Variants in XKR4 observed in about 807,000 individuals in gnomAD.
XKR4 encodes the protein XK related 4.
XKR4 carries 12 observed loss-of-function variants against 53.9 expected under a neutral mutation model. The ratio of observed to expected loss-of-function variants is 0.22; its 90% CI spans 0.14 to 0.36. XKR4 has a LOEUF of 0.36. Ranked by LOEUF, XKR4 falls within the 10% of genes least tolerant of loss-of-function variation. The pLI is 1.00. For synonymous variants in XKR4, 354 were observed against 362.4 expected (o/e 0.98, Z 0.26); for missense variants, 799 against 859.5 (o/e 0.93, Z 0.88).
chr8:55,164,709 A>G (rs568456789), intron 1 of XKR4: 40 of 284,274 alleles, frequency 1.4e-4, no homozygotes, highest in South Asian at 1.4e-3. Flanking sequence ...AATCAAACCC[A>G]TGTATAATAA....
At chr8:55,166,619 G>A (rs1817069005) in intron 1 of XKR4, among the ~76,000 whole-genome samples, 1 of 152,204 alleles carries the variant, frequency 6.6e-6, no homozygotes, top group South Asian at 2.1e-4. Flanking sequence ...AAATAAAGCA[G>A]AGAGTGGCAT....
intron 1 of XKR4, among the ~76,000 whole-genome samples, chr8:55,182,922 CCATGAA>C (rs1817329647): frequency 6.6e-6 from 1 of 151,952 alleles, no homozygotes; most frequent in Admixed American, 6.6e-5. Context: ...GTCTCCCAAT[CCATGAA>C]CATGGTATCT....
At chr8:55,412,203 C>G (rs529115623) in intron 2 of XKR4, among the ~76,000 whole-genome samples, 249 of 152,130 alleles carry the variant, frequency 1.6e-3, no homozygotes, top group Non-Finnish European at 2.6e-3. Context: ...CGTTTGTGGA[C>G]TGAGCCCAAA....
chr8:55,503,756 AG>A (rs1399473700), intron 2 of XKR4, among the ~76,000 whole-genome samples: 1 of 152,192 alleles, frequency 6.6e-6, no homozygotes, highest in East Asian at 1.9e-4. Context: ...AAGTTGCAAA[AG>A]TGGGCATCCT....
chr8:55,301,257 G>A (rs1819190766), intron 1 of XKR4, among the ~76,000 whole-genome samples: 1 of 149,002 alleles, frequency 6.7e-6, no homozygotes, highest in African/African-American at 2.5e-5. Context: ...TTGGTTTTTT[G>A]TCCTTGGGAT....
chr8:55,363,997 T>C (rs1803937858), intron 2 of XKR4, among the ~76,000 whole-genome samples: 1 of 152,256 alleles, frequency 6.6e-6, no homozygotes, highest in Non-Finnish European at 1.5e-5. Flanking sequence ...AACACCCATT[T>C]ATCTGGGTGC....
intron 2 of XKR4, among the ~76,000 whole-genome samples, chr8:55,466,687 A>G (rs971254837): frequency 4.6e-5 from 7 of 152,140 alleles, no homozygotes; most frequent in Non-Finnish European, 1.0e-4. Context: ...TACTATCCAT[A>G]TAATCAGTTG....
At chr8:55,136,265 G>T (rs2129353668) in intron 1 of XKR4, among the ~76,000 whole-genome samples, 1 of 152,258 alleles carries the variant, frequency 6.6e-6, no homozygotes, top group South Asian at 2.1e-4. Flanking sequence ...AAGACACATT[G>T]TTGGATGTGC....
intron 1 of XKR4, among the ~76,000 whole-genome samples, chr8:55,190,041 A>G (rs1817424636): frequency 1.3e-5 from 2 of 152,234 alleles, no homozygotes; most frequent in Non-Finnish European, 2.9e-5. Flanking sequence ...CCGGGAGTAT[A>G]TTGCTAGACT....
chr8:55,500,076 C>T (rs1031153872), intron 2 of XKR4, among the ~76,000 whole-genome samples: 62 of 151,640 alleles, frequency 4.1e-4, no homozygotes, highest in African/African-American at 1.3e-3. Flanking sequence ...GTTTTACTGC[C>T]TGAAAGGTGT....
At position 55,450,995 on chromosome 8, in the gene XKR4, C is replaced by T. The variant is rs1230771909; in HGVS notation, c.1007-72286C>T. ...CAGTAGGGCAGCCCAGGACACATGC[C>T]TTCAGCAGCTTTTTGAAGCTAGCCT... On this transcript the variant is annotated intron_variant, in intron 2 of 2. Transcript: ENST00000327381. 3 of 541,012 alleles carry T rather than the reference C, an allele frequency of 5.5e-6. No individual in the cohort carries two copies. The African/African-American group carries it at 5.7e-5, about 10-fold the overall frequency. The allele number at this position is 541,012 out of a possible 1,614,324, so 33.5% of individuals were successfully genotyped here.
At chr8:55,451,320 A>T in intron 2 of XKR4, 2 of 622,598 alleles carry the variant, frequency 3.2e-6, no homozygotes, top group Non-Finnish European at 5.8e-6. Flanking sequence ...CCATGGGGTT[A>T]GACAGAGTGG....
chr8:55,534,941 T>C lies in XKR4; in HGVS notation c.*10714T>C, dbSNP rs1280274747. 5 of 152,022 alleles carry C rather than the reference T, an allele frequency of 3.3e-5. No individual in the cohort carries two copies. In the South Asian group the frequency reaches 8.3e-4, roughly 25 times the overall value. 9.4% of individuals were successfully genotyped at this position (152,022 alleles called of 1,614,324 possible). A position where few individuals can be genotyped will look rare whatever the true frequency, so the allele number is the denominator to read the frequency against. ...TAGGAGTTCACCCTAGATGAAAGAG[T>C]GGAAGTCATCAGATTTGTCAATAAG... On this transcript the variant is annotated 3_prime_UTR_variant, in exon 3 of 3. Coordinates refer to ENST00000327381, the MANE Select transcript of XKR4 (RefSeq NM_052898.2).
chr8:55,454,056 G>C, intron 2 of XKR4: 1 of 840,982 alleles, frequency 1.2e-6, no homozygotes. Flanking sequence ...AGCAGCTGAT[G>C]GAAGAGCCGC....
intron 1 of XKR4, among the ~76,000 whole-genome samples, chr8:55,342,008 G>T (rs1803555945): frequency 6.6e-6 from 1 of 151,996 alleles, no homozygotes; most frequent in Non-Finnish European, 1.5e-5. Context: ...GAATTCCAAT[G>T]CATGCATCCA....
intron 2 of XKR4, among the ~76,000 whole-genome samples, chr8:55,381,011 A>C (rs752454259): frequency 1.1e-4 from 17 of 152,218 alleles, no homozygotes; most frequent in Non-Finnish European, 2.2e-4. Context: ...GTTTTCCTTT[A>C]AAACAATTTC....
chr8:55,184,676 C>T lies in XKR4; in HGVS notation c.806+81382C>T, dbSNP rs572039306. ...CCACGCTGGGTTTCACTGTTAAGTA[C>T]GTGTTAAATAAGGGTGGTGATGATC... On this transcript the variant is annotated intron_variant, in intron 1 of 2. Coordinates refer to ENST00000327381, the MANE Select transcript of XKR4 (RefSeq NM_052898.2). Among the ~76,000 whole-genome samples the T allele has an allele frequency of 5.7e-3, 868 of 152,242 alleles. 2 individuals carry two copies. Among genetic ancestry groups the T allele is most frequent in the Non-Finnish European group, 9.7e-3 (660 of 68,014 alleles).
chr8:55,449,662 A>T (rs2622585), intron 2 of XKR4: 288,508 of 903,854 alleles, frequency 0.32, 49,828 homozygotes, highest in Non-Finnish European at 0.37. Flanking sequence ...TGGCCATGCC[A>T]GGTGCCACAG....
intron 1 of XKR4, among the ~76,000 whole-genome samples, chr8:55,268,184 C>A (rs1038462810): frequency 6.6e-6 from 1 of 152,044 alleles, no homozygotes; most frequent in African/African-American, 2.4e-5. Context: ...TCTATCTTCA[C>A]GAGATTAAAA....
Sources: allele counts gnomAD v4.1 joint callset (sites outside exome capture counted in the v4.1 genomes callset), GRCh38; gene constraint gnomAD v4.1.1; transcripts MANE v1.5; gene names NCBI Gene and HGNC (gene_info 2026-07-23, HGNC 2026-07-21).